Variants in CDH13 observed in about 807,000 individuals in gnomAD.
The protein encoded by CDH13 is cadherin 13, also known as cadherin-13.
A neutral mutation model predicts 63.8 loss-of-function variants in CDH13; 24 were observed. The observed-to-expected ratio is 0.38, with a 90% CI of 0.27 to 0.53. The LOEUF (loss-of-function observed/expected upper bound fraction) is 0.53, where lower values mean the gene tolerates loss of function less well. Among genes scored for constraint, CDH13 ranks in the 20% least tolerant of loss-of-function variants. The pLI, the probability that CDH13 is intolerant of heterozygous loss-of-function variation, is 0.85. For synonymous variants in CDH13, 503 were observed against 355.3 expected (o/e 1.42, Z -4.67); for missense variants, 1,049 against 903.1 (o/e 1.16, Z -2.07).
chr16:83,229,650 G>C (rs2039947898), intron 5 of CDH13, among the ~76,000 whole-genome samples: 2 of 152,058 alleles, frequency 1.3e-5, no homozygotes, highest in South Asian at 4.1e-4. Flanking sequence ...TGAGGCATTA[G>C]GTAGTAAAAG....
At chr16:83,257,091 C>T (rs1321162539) in intron 5 of CDH13, among the ~76,000 whole-genome samples, 1 of 151,866 alleles carries the variant, frequency 6.6e-6, no homozygotes, top group Non-Finnish European at 1.5e-5. Context: ...CATACAGGCA[C>T]CTAGGAATAC....
At chr16:83,792,521 T>C (rs1156994791) in intron 13 of CDH13, among the ~76,000 whole-genome samples, 14 of 152,240 alleles carry the variant, frequency 9.2e-5, no homozygotes, top group Admixed American at 7.9e-4. Context: ...ACAGTTGAAA[T>C]GTCTAGAGAC....
intron 1 of CDH13, among the ~76,000 whole-genome samples, chr16:82,653,589 G>A (rs989318450): frequency 2.0e-5 from 3 of 152,134 alleles, no homozygotes; most frequent in Non-Finnish European, 2.9e-5. Flanking sequence ...GGGAAGCTGA[G>A]AGTTGCTTGT....
chr16:82,662,581 T>C (rs1457296640), intron 1 of CDH13, among the ~76,000 whole-genome samples: 1 of 152,214 alleles, frequency 6.6e-6, no homozygotes, highest in Non-Finnish European at 1.5e-5. Context: ...TCCCCACCAC[T>C]ATCAGGTCTT....
At chr16:83,043,760 G>A (rs893968407) in intron 3 of CDH13, among the ~76,000 whole-genome samples, 7 of 151,708 alleles carry the variant, frequency 4.6e-5, no homozygotes, top group African/African-American at 1.7e-4. Flanking sequence ...TCAGGAGGCT[G>A]AGGCAGGGGA....
chr16:82,927,127 G>A (rs1374055541), intron 2 of CDH13, among the ~76,000 whole-genome samples: 1 of 152,064 alleles, frequency 6.6e-6, no homozygotes, highest in Non-Finnish European at 1.5e-5. Flanking sequence ...CTCTCCACGT[G>A]GCTGCTTGGG....
chr16:82,727,939 T>C (rs2151031113), intron 1 of CDH13, among the ~76,000 whole-genome samples: 1 of 152,308 alleles, frequency 6.6e-6, no homozygotes, highest in East Asian at 1.9e-4. Context: ...CCTGTGTCTC[T>C]GCAGGTTCAA....
At chr16:83,436,701 G>A (rs1360670431) in intron 6 of CDH13, among the ~76,000 whole-genome samples, 1 of 152,180 alleles carries the variant, frequency 6.6e-6, no homozygotes, top group Non-Finnish European at 1.5e-5. Flanking sequence ...TGTAATCCCA[G>A]TTTTCTGATA....
At chr16:82,713,594 G>A (rs2032123858) in intron 1 of CDH13, among the ~76,000 whole-genome samples, 1 of 152,044 alleles carries the variant, frequency 6.6e-6, no homozygotes, top group African/African-American at 2.4e-5. Context: ...AAAGATGATT[G>A]CATTCATGAT....
chr16:83,344,971 C>T lies in CDH13; in HGVS notation c.746C>T (p.Pro249Leu). The change falls in exon 6 of 14, where the codon CCC becomes CTC. Residue 249 changes from proline to leucine, a missense_variant. By Grantham distance (98) the Pro-to-Leu change is moderately conservative. Transcript: ENST00000567109. ...AACCGACCGATCTTTCGGGAAGGCC[C>T]CTACATCGGCCACGTCATGGAAGGG... is the stretch of plus-strand genomic sequence containing the variant. ...NDNRPIFREG[P>L]YIGHVMEGSP... 1 of 1,613,974 alleles carries T rather than the reference C, an allele frequency of 6.2e-7. No individual in the cohort carries two copies. The highest frequency in any genetic ancestry group is 8.5e-7 in the Non-Finnish European group (1 of 1,179,854).
At chr16:83,438,514 T>C (rs1181065715) in intron 6 of CDH13, among the ~76,000 whole-genome samples, 3 of 152,266 alleles carry the variant, frequency 2.0e-5, no homozygotes, top group Non-Finnish European at 4.4e-5. Context: ...TGTTTATTCA[T>C]TGACCAACTC....
At chr16:83,063,641 T>A (rs1399428465) in intron 3 of CDH13, among the ~76,000 whole-genome samples, 1 of 152,222 alleles carries the variant, frequency 6.6e-6, no homozygotes, top group Non-Finnish European at 1.5e-5. Flanking sequence ...TTATCTCTAC[T>A]AGTTTCCTGT....
intron 2 of CDH13, among the ~76,000 whole-genome samples, chr16:83,006,555 G>A (rs1478256925): frequency 6.6e-6 from 1 of 152,112 alleles, no homozygotes. Context: ...CATTCTTGGT[G>A]GTGCCATTTG....
At chr16:83,090,894 A>G (rs1338693265) in intron 3 of CDH13, among the ~76,000 whole-genome samples, 1 of 151,870 alleles carries the variant, frequency 6.6e-6, no homozygotes, top group Non-Finnish European at 1.5e-5. Context: ...CCATTTTGAA[A>G]AAAAAAAAGT....
At chr16:82,832,798 T>C (rs1461211897) in intron 1 of CDH13, among the ~76,000 whole-genome samples, 3 of 152,200 alleles carry the variant, frequency 2.0e-5, no homozygotes, top group African/African-American at 7.2e-5. Context: ...ATAATGACCT[T>C]CTTGAGCATC....
chr16:82,770,349 G>T (rs1429253977), intron 1 of CDH13, among the ~76,000 whole-genome samples: 3 of 152,116 alleles, frequency 2.0e-5, no homozygotes, highest in Non-Finnish European at 4.4e-5. Context: ...GAGAAAATTT[G>T]GAACGTAAAA....
chr16:83,482,041 C>T (rs908463219), intron 6 of CDH13, among the ~76,000 whole-genome samples: 1 of 152,132 alleles, frequency 6.6e-6, no homozygotes. Context: ...GTATGTGACC[C>T]AGGAATCCCA....
intron 2 of CDH13, among the ~76,000 whole-genome samples, chr16:82,873,501 A>G (rs1029759594): frequency 6.6e-6 from 1 of 152,098 alleles, no homozygotes; most frequent in Non-Finnish European, 1.5e-5. Context: ...TGATAGTTTC[A>G]CAGGACAGTG....
At chr16:83,222,014 C>G (rs575046125) in intron 5 of CDH13, among the ~76,000 whole-genome samples, 1 of 152,272 alleles carries the variant, frequency 6.6e-6, no homozygotes, top group Non-Finnish European at 1.5e-5. Context: ...GTGAACATGT[C>G]TTGAACATTT....
Sources: allele counts gnomAD v4.1 joint callset (sites outside exome capture counted in the v4.1 genomes callset), GRCh38; gene constraint gnomAD v4.1.1; transcripts MANE v1.5; gene names NCBI Gene and HGNC (gene_info 2026-07-23, HGNC 2026-07-21).